Variants in RNF183 observed in about 807,000 individuals in gnomAD.
RNF183 encodes the protein ring finger protein 183, also known as E3 ubiquitin-protein ligase RNF183.
In RNF183, 4 loss-of-function variants were observed where a neutral mutation model predicts 9.0. That is an observed-to-expected ratio of 0.44 (90% CI 0.22 to 1.01). The LOEUF (loss-of-function observed/expected upper bound fraction) is 1.01, where lower values mean the gene tolerates loss of function less well. Among genes scored for constraint, RNF183 ranks in the 50% least tolerant of loss-of-function variants. RNF183 has a pLI of 0.25. For synonymous variants in RNF183, 102 were observed against 107.5 expected (o/e 0.95, Z 0.32); for missense variants, 227 against 253.6 (o/e 0.89, Z 0.71).
intron 3 of RNF183, among the ~76,000 whole-genome samples, chr9:113,300,275 C>A (rs556689516): frequency 6.6e-6 from 1 of 152,294 alleles, no homozygotes; most frequent in South Asian, 2.1e-4. Context: ...GGGCTCTGCA[C>A]CAGTGCTTTA....
At position 113,297,766 on chromosome 9, in the gene RNF183, G is replaced by C. The variant is rs751728906; in HGVS notation, c.419C>G (p.Ser140Cys). ...PPPDTASATV[S>C]TPILIPSHHS... ...GTGGCTGGGGATGAGGATGGGCGTAGACACGGTGGCAGAGGCCGTGTCTGG... is the reference window on the plus strand; with the variant it reads ...GTGGCTGGGGATGAGGATGGGCGTACACACGGTGGCAGAGGCCGTGTCTGG... Residue 140 changes from serine to cysteine, a missense_variant, in exon 5 of 5, where the codon TCT (serine) becomes TGT (cysteine). Coordinates refer to ENST00000489339, the MANE Select transcript of RNF183 (RefSeq NM_001371237.1). 1.4e-5 allele frequency: 22 copies of C among 1,613,940 alleles called. No homozygotes were observed. Among genetic ancestry groups the C allele is most frequent in the Non-Finnish European group, 1.9e-5 (22 of 1,179,964 alleles).
rs1335570784 is a variant in RNF183, at chr9:113,297,736, G to C, written c.449C>G (p.Ser150Cys). Residue 150 changes from serine (S) to cysteine (C), a missense_variant, in exon 5 of 5, where the codon TCT becomes TGT. Coordinates refer to ENST00000489339, the MANE Select transcript of RNF183 (RefSeq NM_001371237.1). ...STPILIPSHHSLRECFRNPQF... is the reference protein window; with the variant it reads ...STPILIPSHHCLRECFRNPQF... Reference sequence around the variant, plus strand: ...AGGGTTGCGGAAACACTCCCTCAAAGAGTGGTGGCTGGGGATGAGGATGGG... The same window carrying C: ...AGGGTTGCGGAAACACTCCCTCAAACAGTGGTGGCTGGGGATGAGGATGGG... 1 of 1,614,176 alleles carries C rather than the reference G, an allele frequency of 6.2e-7. No homozygotes were observed. Among genetic ancestry groups the C allele is most frequent in the South Asian group, 1.1e-5 (1 of 91,080 alleles).
intron 3 of RNF183, 61 bp from the exon 4 acceptor site, chr9:113,299,836 A>G (rs1416113554): frequency 6.6e-6 from 1 of 152,254 alleles, no homozygotes; most frequent in East Asian, 1.9e-4. Context: ...TTTGCAGATG[A>G]GAGACAAGAA....
In RNF183 at chr9:113,298,439, T is replaced by TACCAAGAGCC. The variant is rs1832809693; in HGVS notation, c.-37-228_-37-219dup. 1 of 519,490 alleles carries TACCAAGAGCC rather than the reference T, an allele frequency of 1.9e-6. No homozygotes were observed. The highest frequency in any genetic ancestry group is 3.4e-6 in the Non-Finnish European group (1 of 292,632). 32.2% of individuals were successfully genotyped at this position (519,490 alleles called of 1,614,324 possible). A position where few individuals can be genotyped will look rare whatever the true frequency, so the allele number is the denominator to read the frequency against. On this transcript the variant is annotated intron_variant, in intron 4 of 4. Coordinates refer to ENST00000489339, the MANE Select transcript of RNF183 (RefSeq NM_001371237.1). This position sits in a 1 kb window ranked among gnomAD's most constrained non-coding sequence, Gnocchi z 4.9. ...TCAAGGTGAAGGCCTGGGCCACCCC[T>TACCAAGAGCC]ACCAAGAGCCCCCAAGAGAGCCGGC...
chr9:113,300,308 C>T (rs1005137807), intron 3 of RNF183, among the ~76,000 whole-genome samples: 14 of 152,166 alleles, frequency 9.2e-5, no homozygotes, highest in Non-Finnish European at 1.9e-4. Flanking sequence ...TTCATCCACT[C>T]GGACATTATT....
Position 113,297,896 on chromosome 9 carries a change from G to T in RNF183, c.289C>A (p.Gln97Lys). The T allele has an allele frequency of 6.2e-7, 1 of 1,613,940 alleles. No individual in the cohort carries two copies. The highest frequency in any genetic ancestry group is 1.1e-5 in the South Asian group (1 of 91,056). The change falls in exon 5 of 5, where the codon CAG (glutamine) becomes AAG (lysine). Residue 97 changes from glutamine to lysine, a missense_variant. Physicochemically the swap from Gln to Lys is moderately conservative, Grantham distance 53. Coordinates refer to ENST00000489339, the MANE Select transcript of RNF183 (RefSeq NM_001371237.1). ...EPHHVILEGH[Q>K]LCLKDQPKSR... ...TTGGGCTGGTCCTTGAGGCACAGCT[G>T]ATGGCCTTCCAGGATGACATGGTGG... is the stretch of plus-strand genomic sequence containing the variant.
At chr9:113,301,593 C>G (rs771005560) in intron 3 of RNF183, 79 bp downstream of exon 3, 2 of 152,242 alleles carry the variant, frequency 1.3e-5, no homozygotes, top group South Asian at 2.1e-4. Context: ...ATTTCAAAGC[C>G]GTGACAAAGT....
Position 113,297,343 on chromosome 9 carries a change from A to C in RNF183, c.*263T>G, listed in dbSNP as rs1280197230. 1.4e-5 allele frequency: 4 copies of C among 282,396 alleles called. No homozygotes were observed. The highest frequency in any genetic ancestry group is 2.6e-5 in the Non-Finnish European group (4 of 151,026). The allele number at this position is 282,396 out of a possible 1,614,324, so 17.5% of individuals were successfully genotyped here. On this transcript the variant is annotated 3_prime_UTR_variant, in exon 5 of 5. Transcript: ENST00000489339. ...AGCCCTTTGGCACAACTTGCTGTGG[A>C]GCTCTGTGGTCAGAACCGCTTCTCT...
chr9:113,298,297 T>C lies in RNF183; in HGVS notation c.-37-76A>G. The C allele has an allele frequency of 1.1e-6, 1 of 887,206 alleles. No individual in the cohort carries two copies. The highest frequency in any genetic ancestry group is 1.8e-6 in the Non-Finnish European group (1 of 562,252). The allele number at this position is 887,206 out of a possible 1,614,324, so 55.0% of individuals were successfully genotyped here. On this transcript the variant is annotated intron_variant, in intron 4 of 4. Coordinates refer to ENST00000489339, the MANE Select transcript of RNF183 (RefSeq NM_001371237.1). The surrounding 1 kb of genome is among the most constrained non-coding windows in gnomAD (Gnocchi z 4.9). ...GTGCTTGGCCTGGGGCAAAGTGTTC[T>C]GTGGGTGTTGAAAGGTGTAATCACC...
At chr9:113,302,411 C>T (rs1832944632) in intron 1 of RNF183, 98 bp from the exon 2 acceptor site, 1 of 152,264 alleles carries the variant, frequency 6.6e-6, no homozygotes, top group African/African-American at 2.4e-5. Context: ...TCTCCTTGGT[C>T]TATGAACAAG....
In RNF183 at chr9:113,298,320, A is replaced by G. The variant is rs1377360087; in HGVS notation, c.-37-99T>C. 2 of 709,652 alleles carry G rather than the reference A, an allele frequency of 2.8e-6. No individual in the cohort carries two copies. The highest frequency in any genetic ancestry group is 4.8e-6 in the Non-Finnish European group (2 of 416,396). 44.0% of individuals were successfully genotyped at this position (709,652 alleles called of 1,614,324 possible). On this transcript the variant is annotated intron_variant, in intron 4 of 4. Coordinates refer to ENST00000489339, the MANE Select transcript of RNF183 (RefSeq NM_001371237.1). The surrounding 1 kb of genome is among the most constrained non-coding windows in gnomAD (Gnocchi z 4.9). ...TCTGTGGGTGTTGAAAGGTGTAATC[A>G]CCACGTTTTACTTAGGTTCAAAAGC...
chr9:113,301,354 C>CATA (rs2118710335), intron 3 of RNF183, among the ~76,000 whole-genome samples: 1 of 152,302 alleles, frequency 6.6e-6, no homozygotes, highest in Non-Finnish European at 1.5e-5. Flanking sequence ...GCTACAAACC[C>CATA]ATACAGCTTA....
intron 1 of RNF183, among the ~76,000 whole-genome samples, chr9:113,302,847 C>T (rs1021856726): frequency 6.6e-6 from 1 of 152,208 alleles, no homozygotes; most frequent in African/African-American, 2.4e-5. Flanking sequence ...TATTTTTAGA[C>T]CCATTTTCTA....
Position 113,297,541 on chromosome 9 carries a change from G to A in RNF183, c.*65C>T. Reference sequence around the variant, plus strand: ...TACAAAGGAAGACAATACCAAATGAGGCTCCGTAGTCACCATACCCAGCAG... The same window carrying A: ...TACAAAGGAAGACAATACCAAATGAAGCTCCGTAGTCACCATACCCAGCAG... On this transcript the variant is annotated 3_prime_UTR_variant, in exon 5 of 5. Coordinates refer to ENST00000489339, the MANE Select transcript of RNF183 (RefSeq NM_001371237.1). The A allele has an allele frequency of 1.9e-6, 2 of 1,052,056 alleles. No individual in the cohort carries two copies. The highest frequency in any genetic ancestry group is 2.8e-6 in the Non-Finnish European group (2 of 713,376). 65.2% of individuals were successfully genotyped at this position (1,052,056 alleles called of 1,614,324 possible).
intron 3 of RNF183, among the ~76,000 whole-genome samples, 192 bp from the exon 4 acceptor site, chr9:113,299,967 C>T (rs1832863477): frequency 6.6e-6 from 1 of 152,114 alleles, no homozygotes; most frequent in South Asian, 2.1e-4. Context: ...GTGCGTGTTA[C>T]TAGCTAGATA....
At position 113,297,722 on chromosome 9, in the gene RNF183, A is replaced by G; in HGVS notation, c.463T>C (p.Phe155Leu). ...IPSHHSLREC[F>L]RNPQFRIFAY... ...AAGATGCGGAACTGAGGGTTGCGGA[A>G]ACACTCCCTCAAAGAGTGGTGGCTG... is the stretch of plus-strand genomic sequence containing the variant. Residue 155 changes from phenylalanine (F) to leucine (L), a missense_variant, in exon 5 of 5, where the codon TTC becomes CTC. Coordinates refer to ENST00000489339, the MANE Select transcript of RNF183 (RefSeq NM_001371237.1). 3 of 1,614,094 alleles carry G rather than the reference A, an allele frequency of 1.9e-6. No homozygotes were observed. Among genetic ancestry groups the G allele is most frequent in the Non-Finnish European group, 2.5e-6 (3 of 1,179,998 alleles).
In RNF183 at chr9:113,299,273, G is replaced by A. The variant is rs191787873; in HGVS notation, c.-38+299C>T. ...GAACCTGGAAGCCAAGCACCTGTGA[G>A]ATTGTGGGCAGTCCCTTCAACACCT... On this transcript the variant is annotated intron_variant, in intron 4 of 4. Transcript: ENST00000489339. The A allele has an allele frequency of 2.9e-3, 439 of 152,446 alleles. 2 individuals are homozygous for A. Among genetic ancestry groups the A allele is most frequent in the Non-Finnish European group, 5.1e-3 (346 of 68,128 alleles). The allele number at this position is 152,446 out of a possible 1,614,324, so 9.4% of individuals were successfully genotyped here. A position where few individuals can be genotyped will look rare whatever the true frequency, so the allele number is the denominator to read the frequency against.
chr9:113,301,104 T>A (rs1018971521), intron 3 of RNF183, among the ~76,000 whole-genome samples: 7 of 152,158 alleles, frequency 4.6e-5, no homozygotes, highest in African/African-American at 1.7e-4. Context: ...GTGATTCCAG[T>A]TGAATTGCTT....
rs1485335485 is a variant in RNF183, at chr9:113,299,783, A to G, written c.-241-8T>C. 6.6e-6 allele frequency: 1 copy of G among 152,334 alleles called. No homozygotes were observed. Among genetic ancestry groups the G allele is most frequent in the East Asian group, 1.9e-4 (1 of 5,188 alleles). The allele number at this position is 152,334 out of a possible 1,614,324, so 9.4% of individuals were successfully genotyped here. A position where few individuals can be genotyped will look rare whatever the true frequency, so the allele number is the denominator to read the frequency against. ...ATTTGAAGAGTTGATCTGCTGGGGA[A>G]AAGAAAAAGTTTAAAAACCAATTCT... On this transcript the variant is annotated splice_polypyrimidine_tract_variant and splice_region_variant and intron_variant, in intron 3 of 4. Coordinates refer to ENST00000489339, the MANE Select transcript of RNF183 (RefSeq NM_001371237.1).
Sources: gnomAD v4.1 joint callset for allele counts (sites outside exome capture counted in the v4.1 genomes callset) on GRCh38, gnomAD v4.1.1 for gene constraint, Gnocchi (gnomAD v3.1) non-coding constraint, MANE v1.5 for transcripts, NCBI Gene and HGNC (gene_info 2026-07-23, HGNC 2026-07-21) for gene names.